The following DIP2B variants were observed in gnomAD, a reference collection of about 807,000 sequenced individuals.
The protein encoded by DIP2B is DIP2 acetate--CoA ligase B (putative).
DIP2B carries 76 observed loss-of-function variants against 198.0 expected under a neutral mutation model. The observed-to-expected ratio is 0.38, with a 90% confidence interval of 0.32 to 0.46. The LOEUF is 0.46. DIP2B is among the 20% of genes least tolerant of loss of function. The pLI is 0.99. For synonymous variants in DIP2B, 701 were observed against 739.1 expected, an observed-to-expected ratio of 0.95 and a Z score of 0.84; for missense variants, 1,559 against 1,978.4, an observed-to-expected ratio of 0.79 and a Z score of 4.02.
At chr12:50,627,132 G>C (rs1937950868) in intron 2 of DIP2B, among the ~76,000 whole-genome samples, 2 of 152,180 alleles carry the variant, frequency 1.3e-5, no homozygotes, top group Admixed American at 1.3e-4. Flanking sequence ...CATGACCTAG[G>C]GGTTGAGGAG....
chr12:50,558,742 A>G (rs1203109390), intron 1 of DIP2B, among the ~76,000 whole-genome samples: 1 of 152,166 alleles, frequency 6.6e-6, no homozygotes, highest in Non-Finnish European at 1.5e-5. Flanking sequence ...GGAAACTGGC[A>G]AGTGGGTAGA....
rs375111591 is a variant in DIP2B at position 50,691,006 on chromosome 12, C to G, written c.1552-43C>G. ...ATTCTAGTTTTGTCATCTGAAATAACCCATTTTATTGTGTTTCTTATGTTT... is the reference window on the plus strand; with the variant it reads ...ATTCTAGTTTTGTCATCTGAAATAAGCCATTTTATTGTGTTTCTTATGTTT... On this transcript the variant is annotated intron_variant, in intron 12 of 37. Transcript: ENST00000301180. 2.3e-5 allele frequency: 36 copies of G among 1,545,938 alleles called. 1 individual carries two copies. In the African/African-American group the frequency reaches 4.5e-4, roughly 19 times the overall value.
At chr12:50,681,994 G>A (rs949944441) in intron 9 of DIP2B, among the ~76,000 whole-genome samples, 2 of 152,178 alleles carry the variant, frequency 1.3e-5, no homozygotes, top group Non-Finnish European at 2.9e-5. Context: ...GAATTTGAAA[G>A]CAAAAGAAGG....
chr12:50,656,387 A>G lies in DIP2B; in HGVS notation c.302-3807A>G, dbSNP rs147328877. On this transcript the variant is annotated intron_variant, in intron 3 of 37. Transcript: ENST00000301180. ...ATGGAATATCTTATGTCATAAAACA[A>G]CTGCTCAAAATTAAGGAACTGTGTC... 1.6e-4 allele frequency among the ~76,000 whole-genome samples: 24 copies of G among 152,334 alleles called. 1 individual carries two copies. The highest frequency in any genetic ancestry group is 3.4e-3 in the Middle Eastern group (1 of 294).
chr12:50,533,588 C>T (rs1958237399), intron 1 of DIP2B, among the ~76,000 whole-genome samples: 1 of 147,754 alleles, frequency 6.8e-6, no homozygotes, highest in Non-Finnish European at 1.5e-5. Context: ...TTTTTAACTG[C>T]CCTATCAAGG....
rs1205734576 is a variant in DIP2B, at chr12:50,664,830, G to GTTTTTTTTTTTTT, written c.427+4516_427+4517insTTTTTTTTTTTTT. Among the ~76,000 whole-genome samples, 19 of 99,686 alleles carry GTTTTTTTTTTTTT rather than the reference G, an allele frequency of 1.9e-4. 8 individuals carry two copies. The highest frequency in any genetic ancestry group is 6.3e-4 in the African/African-American group (15 of 23,964). 65.4% of individuals were successfully genotyped at this position (99,686 alleles called of 152,430 possible). A position where few individuals can be genotyped will look rare whatever the true frequency, so the allele number is the denominator to read the frequency against. ...CAAGGAGAATTTCCCTCCTTTTTTGGTTTTTGTTTTTTTTTTTTTTTTTTT... is the reference window on the plus strand; with the variant it reads ...CAAGGAGAATTTCCCTCCTTTTTTGGTTTTTTTTTTTTTTTTTTGTTTTTTTTTTTTTTTTTTT... On this transcript the variant is annotated intron_variant, in intron 4 of 37. Coordinates refer to ENST00000301180, the MANE Select transcript of DIP2B (RefSeq NM_173602.3).
rs776618488 is a variant in DIP2B, at chr12:50,698,330, C to A, written c.2051C>A (p.Pro684His). The A allele has an allele frequency of 1.2e-6, 2 of 1,611,964 alleles. No individual in the cohort carries two copies. Among genetic ancestry groups the A allele is most frequent in the African/African-American group, 2.7e-5 (2 of 74,928 alleles). The change falls in exon 18 of 38, where the codon CCT (proline) becomes CAT (histidine). Residue 684 changes from proline to histidine, a missense_variant and splice_region_variant. Transcript: ENST00000301180. ...AEAMTVAIRR[P>H]GVPGAPLPGR... ...ACTTGATGGGTTCTTCTTTTCAGGC[C>A]TGGAGTTCCAGGAGCCCCTTTGCCA... is the stretch of plus-strand genomic sequence containing the variant.
chr12:50,556,961 C>T (rs531091824), intron 1 of DIP2B, among the ~76,000 whole-genome samples: 4 of 152,284 alleles, frequency 2.6e-5, no homozygotes, highest in East Asian at 1.9e-4. Context: ...TCACCTACAT[C>T]GGCCTCCCAT....
chr12:50,600,196 T>C (rs1958922896), intron 1 of DIP2B, among the ~76,000 whole-genome samples: 2 of 152,224 alleles, frequency 1.3e-5, no homozygotes, highest in South Asian at 2.1e-4. Flanking sequence ...CCTCAGTCTT[T>C]ATAGATAAAA....
At chr12:50,548,537 G>GT (rs1486335535) in intron 1 of DIP2B, among the ~76,000 whole-genome samples, 3 of 151,606 alleles carry the variant, frequency 2.0e-5, no homozygotes, top group Non-Finnish European at 4.4e-5. Context: ...TAATTTTTTT[G>GT]TTTTTTGAGA....
intron 1 of DIP2B, among the ~76,000 whole-genome samples, chr12:50,615,238 CT>C (rs1372600479): frequency 2.6e-5 from 4 of 152,116 alleles, no homozygotes; most frequent in African/African-American, 9.7e-5. Flanking sequence ...ATGAAAATTA[CT>C]TTTCCGCACC....
intron 7 of DIP2B, among the ~76,000 whole-genome samples, chr12:50,677,350 G>A (rs753584467): frequency 1.2e-4 from 19 of 152,090 alleles, no homozygotes; most frequent in African/African-American, 1.9e-4. Flanking sequence ...GGCCGGGCGC[G>A]GTGGCTCACA....
chr12:50,686,769 A>G (rs1939138102), intron 12 of DIP2B, 87 bp downstream of exon 12: 4 of 1,264,026 alleles, frequency 3.2e-6, no homozygotes, highest in South Asian at 2.8e-5. Flanking sequence ...AATTTTTGCA[A>G]CGTTAATGTT....
At chr12:50,549,739 G>A (rs1958410799) in intron 1 of DIP2B, among the ~76,000 whole-genome samples, 2 of 140,684 alleles carry the variant, frequency 1.4e-5, no homozygotes, top group South Asian at 4.6e-4. Flanking sequence ...GGTTGTTCAT[G>A]ATTTCTGCAT....
At chr12:50,645,418 G>A (rs1418459931) in intron 3 of DIP2B, among the ~76,000 whole-genome samples, 1 of 151,754 alleles carries the variant, frequency 6.6e-6, no homozygotes, top group African/African-American at 2.4e-5. Context: ...GTTAAAATGA[G>A]GTAGATGTAT....
At chr12:50,654,481 A>T (rs866374511) in intron 3 of DIP2B, among the ~76,000 whole-genome samples, 3 of 151,874 alleles carry the variant, frequency 2.0e-5, no homozygotes, top group Middle Eastern at 3.4e-3. Flanking sequence ...CAGCCTCCTG[A>T]GTAGCTGGCC....
At chr12:50,610,303 G>A (rs1959020394) in intron 1 of DIP2B, among the ~76,000 whole-genome samples, 1 of 152,114 alleles carries the variant, frequency 6.6e-6, no homozygotes, top group African/African-American at 2.4e-5. Flanking sequence ...ACTAGGAGTA[G>A]TGTTTTTTTC....
At chr12:50,723,177 C>A in intron 26 of DIP2B, 25 bp from the exon 27 acceptor site, 6 of 1,613,564 alleles carry the variant, frequency 3.7e-6, no homozygotes, top group Non-Finnish European at 5.1e-6. Context: ...CAGTGACTCT[C>A]CTGACAGGGT....
At chr12:50,664,551 T>C (rs1938712099) in intron 4 of DIP2B, among the ~76,000 whole-genome samples, 1 of 152,186 alleles carries the variant, frequency 6.6e-6, no homozygotes, top group African/African-American at 2.4e-5. Flanking sequence ...GTAGGGGTTC[T>C]TTGTGTAATG....
Sources: allele counts gnomAD v4.1 joint callset (sites outside exome capture counted in the v4.1 genomes callset), GRCh38; gene constraint gnomAD v4.1.1; transcripts MANE v1.5; gene names NCBI Gene and HGNC (gene_info 2026-07-23, HGNC 2026-07-21).